The following SLIT2 variants were observed in gnomAD, a reference collection of about 807,000 sequenced individuals.
SLIT2 encodes slit guidance ligand 2, also known as slit homolog 2 protein.
In SLIT2, 41 loss-of-function variants were observed where a neutral mutation model predicts 185.7. The ratio of observed to expected loss-of-function variants is 0.22; its 90% CI spans 0.17 to 0.29. SLIT2 has a LOEUF of 0.29. SLIT2 is among the 10% of genes least tolerant of loss of function. The pLI, the probability that SLIT2 is intolerant of heterozygous loss-of-function variation, is 1.00. For missense variants in SLIT2, 1,571 were observed against 1,909.0 expected (o/e 0.82, Z 3.30); for synonymous variants, 693 against 680.2 (o/e 1.02, Z -0.29).
At chr4:20,613,110 T>C (rs1729366252) in intron 34 of SLIT2, among the ~76,000 whole-genome samples, 1 of 152,064 alleles carries the variant, frequency 6.6e-6, no homozygotes, top group Non-Finnish European at 1.5e-5. Flanking sequence ...CCTAAAGACC[T>C]AAAAATAGAG....
At chr4:20,582,401 A>T (rs1381524929) in intron 29 of SLIT2, among the ~76,000 whole-genome samples, 1 of 152,186 alleles carries the variant, frequency 6.6e-6, no homozygotes, top group African/African-American at 2.4e-5. Flanking sequence ...AATTTTATGC[A>T]TATAGTAGTC....
chr4:20,519,891 C>T (rs975409660), intron 12 of SLIT2, among the ~76,000 whole-genome samples: 28 of 151,656 alleles, frequency 1.8e-4, no homozygotes, highest in African/African-American at 5.8e-4. Context: ...ATTAGCCGGG[C>T]GTGGTGGTGG....
chr4:20,572,094 G>A (rs1359488827), intron 29 of SLIT2, among the ~76,000 whole-genome samples: 5 of 152,212 alleles, frequency 3.3e-5, no homozygotes, highest in Admixed American at 2.6e-4. Flanking sequence ...AGTAGTTACT[G>A]ATTTGTTAGA....
intron 4 of SLIT2, among the ~76,000 whole-genome samples, chr4:20,299,718 G>C (rs1227913203): frequency 6.6e-6 from 1 of 151,514 alleles, no homozygotes; most frequent in East Asian, 1.9e-4. Context: ...ACTTTTTAAG[G>C]CCCGACAGGG....
intron 28 of SLIT2, among the ~76,000 whole-genome samples, chr4:20,567,973 T>C (rs1416797944): frequency 6.6e-6 from 1 of 152,110 alleles, no homozygotes; most frequent in Non-Finnish European, 1.5e-5. Flanking sequence ...TTGTTTTGCT[T>C]ATTGCTTTAA....
chr4:20,354,510 T>G (rs1023961837), intron 4 of SLIT2, among the ~76,000 whole-genome samples: 1 of 152,188 alleles, frequency 6.6e-6, no homozygotes, highest in African/African-American at 2.4e-5. Context: ...CCAGGCACAT[T>G]GTTAAGGGCA....
At chr4:20,573,664 A>G (rs1725822024) in intron 29 of SLIT2, among the ~76,000 whole-genome samples, 1 of 152,148 alleles carries the variant, frequency 6.6e-6, no homozygotes, top group African/African-American at 2.4e-5. Flanking sequence ...AGATAGAAAA[A>G]TTTTTAAGTA....
At chr4:20,400,341 G>T (rs781210034) in intron 4 of SLIT2, among the ~76,000 whole-genome samples, 1 of 151,586 alleles carries the variant, frequency 6.6e-6, no homozygotes, top group Non-Finnish European at 1.5e-5. Context: ...TAGAAGGATG[G>T]CCATAGAAAT....
chr4:20,275,550 C>T (rs1447928035), intron 4 of SLIT2, among the ~76,000 whole-genome samples: 6 of 152,162 alleles, frequency 3.9e-5, no homozygotes, highest in Admixed American at 2.0e-4. Context: ...GTTCCTGATA[C>T]TATTGCACAG....
At chr4:20,575,990 G>A (rs1240923446) in intron 29 of SLIT2, among the ~76,000 whole-genome samples, 2 of 152,184 alleles carry the variant, frequency 1.3e-5, no homozygotes, top group African/African-American at 4.8e-5. Context: ...TTCTGTGAAA[G>A]AGGAATAATG....
At chr4:20,541,749 G>A (rs1344109110) in intron 20 of SLIT2, 130 bp downstream of exon 20, 9 of 839,858 alleles carry the variant, frequency 1.1e-5, no homozygotes, top group African/African-American at 3.4e-5. Context: ...TGTCGTTTGG[G>A]TTTTGTTTTA....
At chr4:20,313,684 G>C (rs1369376497) in intron 4 of SLIT2, among the ~76,000 whole-genome samples, 1 of 152,164 alleles carries the variant, frequency 6.6e-6, no homozygotes, top group African/African-American at 2.4e-5. Context: ...TGGAATGGGT[G>C]GGGGATTGTT....
chr4:20,266,619 G>T (rs1713059178), intron 3 of SLIT2, among the ~76,000 whole-genome samples: 1 of 151,994 alleles, frequency 6.6e-6, no homozygotes, highest in South Asian at 2.1e-4. Context: ...TTGACTGAGA[G>T]CAGGCTGCTC....
At chr4:20,343,136 T>C (rs1406535732) in intron 4 of SLIT2, among the ~76,000 whole-genome samples, 1 of 152,054 alleles carries the variant, frequency 6.6e-6, no homozygotes, top group African/African-American at 2.4e-5. Flanking sequence ...ACTTATACTC[T>C]TCTATCAAAG....
chr4:20,253,682 TG>T lies in SLIT2; in HGVS notation c.-132del, dbSNP rs1722215877. 1.6e-5 allele frequency: 16 copies of T among 1,017,800 alleles called. No individual in the cohort carries two copies. The Admixed American group carries it at 2.4e-4, about 15-fold the overall frequency. The allele number at this position is 1,017,800 out of a possible 1,614,324, so 63.0% of individuals were successfully genotyped here. A position where few individuals can be genotyped will look rare whatever the true frequency, so the allele number is the denominator to read the frequency against. On this transcript the variant is annotated 5_prime_UTR_variant, in exon 1 of 37. Coordinates refer to ENST00000504154, the MANE Select transcript of SLIT2 (RefSeq NM_004787.4). ...CTCTACTGCCTTGTTCCATATTATT[TG>T]GTGCACATTTTCCCTGGCACTCTGG...
chr4:20,461,591 CAAGAT>C (rs1344416991), intron 4 of SLIT2, among the ~76,000 whole-genome samples: 1 of 152,068 alleles, frequency 6.6e-6, no homozygotes, highest in African/African-American at 2.4e-5. Context: ...GTAACTCAGA[CAAGAT>C]GAGATGGTAG....
At chr4:20,525,702 C>G (rs966405874) in intron 15 of SLIT2, among the ~76,000 whole-genome samples, 1 of 152,062 alleles carries the variant, frequency 6.6e-6, no homozygotes, top group African/African-American at 2.4e-5. Context: ...AGAAAAACAG[C>G]AACTCCCTGC....
intron 4 of SLIT2, among the ~76,000 whole-genome samples, chr4:20,434,597 T>A (rs1011400055): frequency 3.3e-5 from 5 of 152,172 alleles, no homozygotes; most frequent in African/African-American, 1.2e-4. Flanking sequence ...TACAGGTAGA[T>A]GAGCAGAAAA....
At chr4:20,519,279 T>C (rs1170289035) in intron 11 of SLIT2, 103 bp from the exon 12 acceptor site, 1 of 679,374 alleles carries the variant, frequency 1.5e-6, no homozygotes, top group African/African-American at 1.8e-5. Context: ...TATGATGTAT[T>C]GATTGCCTAC....
Sources: gnomAD v4.1 joint callset for allele counts (sites outside exome capture counted in the v4.1 genomes callset) on GRCh38, gnomAD v4.1.1 for gene constraint, MANE v1.5 for transcripts, NCBI Gene and HGNC (gene_info 2026-07-23, HGNC 2026-07-21) for gene names.